KLHDC4: variants seen among roughly 807,000 people sequenced by gnomAD.
The protein encoded by KLHDC4 is kelch domain-containing protein 4.
KLHDC4 carries 90 observed loss-of-function variants against 62.4 expected under a neutral mutation model. The ratio of observed to expected loss-of-function variants is 1.44; its 90% CI spans 1.22 to 1.72. The LOEUF is 1.72. KLHDC4 is among the 40% of genes most tolerant of loss of function. The pLI is 0.00. For synonymous variants in KLHDC4, 386 were observed against 284.4 expected (o/e 1.36, Z -3.59); for missense variants, 1,025 against 699.7 (o/e 1.47, Z -5.25).
At position 87,737,793 on chromosome 16, in the gene KLHDC4, G is replaced by A. The variant is rs137928993; in HGVS notation, c.507-7149C>T. ...TTCTGTAGAGATGGCGTTTCACCAT[G>A]TTGGTCAAGATGGTCTTGAACTCCT... is the stretch of plus-strand genomic sequence containing the variant. On this transcript the variant is annotated intron_variant, in intron 5 of 11. Coordinates refer to ENST00000270583, the MANE Select transcript of KLHDC4 (RefSeq NM_017566.4). 2.9e-4 allele frequency among the ~76,000 whole-genome samples: 44 copies of A among 152,040 alleles called. No individual in the cohort carries two copies. The South Asian group carries it at 8.7e-3, about 30-fold the overall frequency.
chr16:87,747,049 G>A (rs927191781), intron 5 of KLHDC4, among the ~76,000 whole-genome samples: 3 of 152,178 alleles, frequency 2.0e-5, no homozygotes, highest in Admixed American at 2.0e-4. Context: ...CTCCCAAAGT[G>A]ACCAGGTACC....
At chr16:87,705,946 A>G (rs1196558512), downstream of KLHDC4, among the ~76,000 whole-genome samples, 3 of 152,240 alleles carry the variant, frequency 2.0e-5, no homozygotes, top group African/African-American at 7.2e-5. Context: ...AGCCGGCGCA[A>G]CGCAACACAA....
At chr16:87,733,378 C>T (rs1597598952) in intron 5 of KLHDC4, among the ~76,000 whole-genome samples, 1 of 152,202 alleles carries the variant, frequency 6.6e-6, no homozygotes, top group Non-Finnish European at 1.5e-5. Context: ...GAGGTGCTTA[C>T]GCCGGCCACA....
At chr16:87,728,549 T>C (rs951636040) in intron 6 of KLHDC4, among the ~76,000 whole-genome samples, 4 of 152,182 alleles carry the variant, frequency 2.6e-5, no homozygotes, top group African/African-American at 9.7e-5. Context: ...TGAAGCATGA[T>C]TTGATTTATA....
rs780104851 is a variant in KLHDC4 at position 87,761,904 on chromosome 16, T to G, written c.191+45A>C. ...CTATTTAAAGCAGTTTTTCAATGTA[T>G]AGAAGAAAAGGAAACATACAATATG... On this transcript the variant is annotated intron_variant, in intron 2 of 11. Coordinates refer to ENST00000270583, the MANE Select transcript of KLHDC4 (RefSeq NM_017566.4). 29 of 1,583,068 alleles carry G rather than the reference T, an allele frequency of 1.8e-5. No individual in the cohort carries two copies. The Admixed American group carries it at 2.0e-4, about 11-fold the overall frequency.
chr16:87,720,683 C>A (rs1299586928), intron 7 of KLHDC4, among the ~76,000 whole-genome samples: 1 of 152,234 alleles, frequency 6.6e-6, no homozygotes, highest in Non-Finnish European at 1.5e-5. Flanking sequence ...CCGCGCGCCC[C>A]CTCCAGGCAG....
At chr16:87,755,391 T>C (rs1358837492) in intron 3 of KLHDC4, 99 bp from the exon 4 acceptor site, 4 of 688,300 alleles carry the variant, frequency 5.8e-6, no homozygotes, top group Non-Finnish European at 1.0e-5. Flanking sequence ...GAAACTGACA[T>C]GCTAAAGGAA....
chr16:87,709,239 C>G, intron 10 of KLHDC4, 26 bp downstream of exon 10: 1 of 1,593,880 alleles, frequency 6.3e-7, no homozygotes, highest in Non-Finnish European at 8.5e-7. Context: ...CTCCCGGGCA[C>G]GGAGGCACCA....
At chr16:87,755,856 T>G (rs1272856180) in intron 3 of KLHDC4, 1 of 163,974 alleles carries the variant, frequency 6.1e-6, no homozygotes, top group East Asian at 1.6e-4. Context: ...TGAGCCACTG[T>G]ACCCAGTCAA....
At chr16:87,758,477 G>A (rs909607603) in intron 2 of KLHDC4, among the ~76,000 whole-genome samples, 5 of 152,250 alleles carry the variant, frequency 3.3e-5, no homozygotes, top group South Asian at 2.1e-4. Context: ...CTCCACTTAC[G>A]CAAAATACCT....
intron 5 of KLHDC4, among the ~76,000 whole-genome samples, chr16:87,735,563 T>G (rs1329181626): frequency 1.3e-5 from 2 of 152,232 alleles, no homozygotes; most frequent in Non-Finnish European, 2.9e-5. Flanking sequence ...AATTAACTTT[T>G]TGTGGCAGTA....
rs567256059 is a variant in KLHDC4 at position 87,758,589 on chromosome 16, C to A, written c.192-2112G>T. Among the ~76,000 whole-genome samples, 6 of 152,242 alleles carry A rather than the reference C, an allele frequency of 3.9e-5. No individual in the cohort carries two copies. The South Asian group carries it at 1.2e-3, about 32-fold the overall frequency. ...CCATTGAAGGGTCTAGACACTTCTCCCATCTTTTGGCTTCCCTGGGCTACA... is the reference window on the plus strand; with the variant it reads ...CCATTGAAGGGTCTAGACACTTCTCACATCTTTTGGCTTCCCTGGGCTACA... On this transcript the variant is annotated intron_variant, in intron 2 of 11. Coordinates refer to ENST00000270583, the MANE Select transcript of KLHDC4 (RefSeq NM_017566.4).
At chr16:87,725,035 A>G (rs1472505436) in intron 7 of KLHDC4, among the ~76,000 whole-genome samples, 1 of 152,222 alleles carries the variant, frequency 6.6e-6, no homozygotes, top group African/African-American at 2.4e-5. Flanking sequence ...CAATGAACAG[A>G]AACATGCAAC....
At chr16:87,732,459 T>C (rs760924471) in intron 5 of KLHDC4, among the ~76,000 whole-genome samples, 81 of 152,322 alleles carry the variant, frequency 5.3e-4, no homozygotes, top group Non-Finnish European at 8.8e-4. Context: ...TTTATTGAAT[T>C]TTATTGTAAT....
Position 87,730,920 on chromosome 16 carries a change from G to A in KLHDC4, c.507-276C>T, listed in dbSNP as rs369086141. 7.8e-5 allele frequency: 22 copies of A among 283,204 alleles called. No individual in the cohort carries two copies. In the East Asian group the frequency reaches 9.9e-4, roughly 13 times the overall value. 17.5% of individuals were successfully genotyped at this position (283,204 alleles called of 1,614,324 possible). ...TTTCCTAGGTAGAACATTATAAACT[G>A]GACTCCGCCAACATAAAAAACTTCA... On this transcript the variant is annotated intron_variant, in intron 5 of 11. Coordinates refer to ENST00000270583, the MANE Select transcript of KLHDC4 (RefSeq NM_017566.4).
At position 87,748,711 on chromosome 16, in the gene KLHDC4, C is replaced by T; in HGVS notation, c.468G>A (p.Trp156Ter). ...GEQFYHYKDLWVLHLATKTWE... is the reference protein window; with the variant it reads ...GEQFYHYKDL ...AGGTCTTGGTGGCCAAATGCAGGAC[C>T]CAGAGATCCTTGTAGTGGTAGAACT... The change falls in exon 5 of 12, where the codon TGG becomes TGA. Residue 156 changes from tryptophan to a stop codon, truncating the protein, a stop_gained. Coordinates refer to ENST00000270583, the MANE Select transcript of KLHDC4 (RefSeq NM_017566.4). LOFTEE classifies it high-confidence loss of function. 1.9e-6 allele frequency: 3 copies of T among 1,613,614 alleles called. No homozygotes were observed. Among genetic ancestry groups the T allele is most frequent in the Non-Finnish European group, 2.5e-6 (3 of 1,179,946 alleles).
intron 4 of KLHDC4, chr16:87,750,151 A>G (rs1207021317): frequency 6.6e-6 from 1 of 152,234 alleles, no homozygotes; most frequent in African/African-American, 2.4e-5. Flanking sequence ...GCACACATCC[A>G]TCTGTGGAAA....
At chr16:87,763,580 C>T (rs764757022) in intron 1 of KLHDC4, 11 of 152,184 alleles carry the variant, frequency 7.2e-5, no homozygotes, top group Admixed American at 2.0e-4. Context: ...GACACTTGCT[C>T]TGGGTGACAG....
intron 7 of KLHDC4, among the ~76,000 whole-genome samples, chr16:87,725,756 C>T (rs1018970826): frequency 6.6e-6 from 1 of 151,968 alleles, no homozygotes; most frequent in South Asian, 2.1e-4. Context: ...GAGGAGCACA[C>T]ACTCCACGAG....
Sources: gnomAD v4.1 joint callset for allele counts (sites outside exome capture counted in the v4.1 genomes callset) on GRCh38, gnomAD v4.1.1 for gene constraint, MANE v1.5 for transcripts, NCBI Gene and HGNC (gene_info 2026-07-23, HGNC 2026-07-21) for gene names.